Variants in LRRC72 observed in about 807,000 individuals in gnomAD.
LRRC72 encodes the protein leucine-rich repeat-containing protein 72.
Under a neutral mutation model 35.8 loss-of-function variants are expected in LRRC72, and 41 were observed. The observed-to-expected ratio is 1.15, with a 90% CI of 0.89 to 1.49. The LOEUF (loss-of-function observed/expected upper bound fraction) is 1.49. LRRC72 is among the 40% of genes most tolerant of loss of function. The pLI, the probability that LRRC72 is intolerant of heterozygous loss-of-function variation, is 0.00. For synonymous variants in LRRC72, 118 were observed against 119.2 expected, an observed-to-expected ratio of 0.99 and a Z score of 0.07; for missense variants, 389 against 330.7, an observed-to-expected ratio of 1.18 and a Z score of -1.37.
chr7:16,571,915 C>T (rs1481361097), intron 7 of LRRC72, among the ~76,000 whole-genome samples: 1 of 152,164 alleles, frequency 6.6e-6, no homozygotes, highest in African/African-American at 2.4e-5. Context: ...GATCCCACCC[C>T]GACAGAGCCC....
At chr7:16,532,163 A>G (rs2301967) in intron 1 of LRRC72, among the ~76,000 whole-genome samples, 13,151 of 152,264 alleles carry the variant, frequency 0.086, 679 homozygotes, top group African/African-American at 0.13. Flanking sequence ...TCAAAGAATC[A>G]TTTAAAAATA....
At chr7:16,527,113 G>GGAGTCCTC in intron 1 of LRRC72, 71 bp downstream of exon 1, 1 of 1,230,948 alleles carries the variant, frequency 8.1e-7, no homozygotes, top group Non-Finnish European at 1.1e-6. Context: ...CCTCCTGCCT[G>GGAGTCCTC]AGGACTCCAG....
intron 3 of LRRC72, among the ~76,000 whole-genome samples, chr7:16,550,911 T>A (rs544568449): frequency 8.5e-5 from 13 of 152,346 alleles, no homozygotes; most frequent in African/African-American, 3.1e-4. Context: ...ATGTTTTCCT[T>A]GATTATACTT....
At chr7:16,547,382 C>T (rs983109179) in intron 3 of LRRC72, among the ~76,000 whole-genome samples, 3 of 152,068 alleles carry the variant, frequency 2.0e-5, no homozygotes, top group African/African-American at 7.2e-5. Context: ...ATAGCAGGAG[C>T]TCCCCAGGCA....
chr7:16,551,857 C>G lies in LRRC72; in HGVS notation c.235-5503C>G, dbSNP rs79327050. Among the ~76,000 whole-genome samples the G allele has an allele frequency of 4.8e-3, 735 of 152,182 alleles. 8 individuals are homozygous for G. The highest frequency in any genetic ancestry group is 0.017 in the African/African-American group (705 of 41,512). ...AGTCCAAGGAGGGGGTAATGGGGACCCCAATTAACAGCCAGTTGGTCAGAA... is the reference window on the plus strand; with the variant it reads ...AGTCCAAGGAGGGGGTAATGGGGACGCCAATTAACAGCCAGTTGGTCAGAA... On this transcript the variant is annotated intron_variant, in intron 3 of 8. Transcript: ENST00000401542.
intron 3 of LRRC72, among the ~76,000 whole-genome samples, chr7:16,550,083 G>T (rs535365250): frequency 6.6e-6 from 1 of 152,196 alleles, no homozygotes; most frequent in Admixed American, 6.5e-5. Flanking sequence ...GTCATGTATG[G>T]TGGTGTGTGC....
chr7:16,566,478 C>A (rs1040224272), intron 6 of LRRC72, 76 bp downstream of exon 6: 15 of 819,242 alleles, frequency 1.8e-5, no homozygotes, highest in Middle Eastern at 2.3e-4. Context: ...ACGAAGACTA[C>A]CTTTGAAAAT....
chr7:16,537,707 A>G lies in LRRC72; in HGVS notation c.234+11A>G, dbSNP rs1221325913. ...CTTCATCATAACAAGGTAGTGTTTT[A>G]TTTTATCTTTCAATTACTAAAATTA... On this transcript the variant is annotated intron_variant, in intron 3 of 8. Coordinates refer to ENST00000401542, the MANE Select transcript of LRRC72 (RefSeq NM_001195280.2). The G allele has an allele frequency of 2.2e-6, 3 of 1,357,918 alleles. No individual in the cohort carries two copies. The highest frequency in any genetic ancestry group is 3.0e-6 in the Non-Finnish European group (3 of 996,374). 84.1% of individuals were successfully genotyped at this position (1,357,918 alleles called of 1,614,324 possible).
chr7:16,535,741 C>A (rs915166457), intron 2 of LRRC72, among the ~76,000 whole-genome samples: 1 of 152,186 alleles, frequency 6.6e-6, no homozygotes, highest in Non-Finnish European at 1.5e-5. Context: ...GTAATTACCA[C>A]CCATGTAATT....
intron 3 of LRRC72, among the ~76,000 whole-genome samples, chr7:16,555,075 C>T (rs1782627467): frequency 6.6e-6 from 1 of 152,170 alleles, no homozygotes; most frequent in Non-Finnish European, 1.5e-5. Context: ...GATAAGGAGC[C>T]AACAGGGACA....
chr7:16,571,833 C>T (rs565973858), intron 7 of LRRC72, among the ~76,000 whole-genome samples: 4 of 152,200 alleles, frequency 2.6e-5, no homozygotes, highest in African/African-American at 9.6e-5. Flanking sequence ...ACCTGGAATG[C>T]CAGAGAGACA....
At chr7:16,580,731 A>G (rs1055816258) in intron 8 of LRRC72, among the ~76,000 whole-genome samples, 2 of 152,196 alleles carry the variant, frequency 1.3e-5, no homozygotes, top group African/African-American at 2.4e-5. Context: ...TTCTCTAAAT[A>G]TGTTCAGTCA....
intron 3 of LRRC72, among the ~76,000 whole-genome samples, chr7:16,550,677 A>C (rs568266116): frequency 1.3e-5 from 2 of 152,128 alleles, no homozygotes; most frequent in African/African-American, 2.4e-5. Flanking sequence ...TATTGCTGCT[A>C]CTTTTTGATT....
At chr7:16,554,929 A>G (rs1027398307) in intron 3 of LRRC72, among the ~76,000 whole-genome samples, 3 of 152,224 alleles carry the variant, frequency 2.0e-5, no homozygotes, top group African/African-American at 7.2e-5. Context: ...AGAGAGAGGA[A>G]AAAGTTCTGA....
chr7:16,542,815 A>C (rs984268434), intron 3 of LRRC72, among the ~76,000 whole-genome samples: 1 of 152,182 alleles, frequency 6.6e-6, no homozygotes, highest in African/African-American at 2.4e-5. Context: ...GGTTTGCCCT[A>C]AGTAGTTCCT....
chr7:16,578,948 G>C (rs1225513066), intron 7 of LRRC72, among the ~76,000 whole-genome samples: 2 of 152,176 alleles, frequency 1.3e-5, no homozygotes, highest in Non-Finnish European at 2.9e-5. Context: ...AATGGTGATT[G>C]CCAGGTGCTG....
At chr7:16,559,636 C>G (rs1782710244) in intron 5 of LRRC72, among the ~76,000 whole-genome samples, 1 of 151,666 alleles carries the variant, frequency 6.6e-6, no homozygotes, top group South Asian at 2.1e-4. Context: ...GTAGGCACAT[C>G]TATAGGGACA....
rs78606593 is a variant in LRRC72 at position 16,536,371 on chromosome 7, A to G, written c.165-1256A>G. Among the ~76,000 whole-genome samples the G allele has an allele frequency of 3.9e-3, 593 of 152,264 alleles. 6 individuals carry two copies. The highest frequency in any genetic ancestry group is 0.014 in the African/African-American group (570 of 41,558). On this transcript the variant is annotated intron_variant, in intron 2 of 8. Coordinates refer to ENST00000401542, the MANE Select transcript of LRRC72 (RefSeq NM_001195280.2). The stretch of plus-strand genomic sequence containing the variant: ...AGATTACATTACTGAATTCAATTTC[A>G]TCTTCTTAGGTGTGAGGATGGTATG...
chr7:16,538,663 T>C (rs1438168902), intron 3 of LRRC72, among the ~76,000 whole-genome samples: 2 of 152,196 alleles, frequency 1.3e-5, no homozygotes, highest in African/African-American at 4.8e-5. Flanking sequence ...TCATCTCAAA[T>C]TGTAATTTCC....
Sources: gnomAD v4.1 joint callset for allele counts (sites outside exome capture counted in the v4.1 genomes callset) on GRCh38, gnomAD v4.1.1 for gene constraint, MANE v1.5 for transcripts, NCBI Gene and HGNC (gene_info 2026-07-23, HGNC 2026-07-21) for gene names.